TPCN2: variants seen among roughly 807,000 people sequenced by gnomAD.
The protein encoded by TPCN2 is two pore channel protein 2.
TPCN2 carries 92 observed loss-of-function variants against 111.4 expected under a neutral mutation model. The observed-to-expected ratio is 0.83, with a 90% CI of 0.70 to 0.98. The LOEUF is 0.98. Among genes scored for constraint, TPCN2 ranks in the 50% least tolerant of loss-of-function variants. The probability of loss-of-function intolerance (pLI) is 0.00; values close to 1 mark genes in which losing one functional copy is unlikely to be tolerated. For missense variants in TPCN2, 995 were observed against 980.1 expected, an observed-to-expected ratio of 1.02 and a Z score of -0.20; for synonymous variants, 405 against 414.5, an observed-to-expected ratio of 0.98 and a Z score of 0.28.
intron 11 of TPCN2, 69 bp downstream of exon 11, chr11:69,072,092 G>A (rs1794962773): frequency 3.0e-6 from 4 of 1,327,892 alleles, no homozygotes; most frequent in Non-Finnish European, 4.2e-6. Context: ...GGGGCCGGGT[G>A]TTCATTAGGG....
intron 4 of TPCN2, among the ~76,000 whole-genome samples, chr11:69,056,356 A>G (rs546911725): frequency 6.6e-6 from 1 of 151,846 alleles, no homozygotes; most frequent in Non-Finnish European, 1.5e-5. Flanking sequence ...GCAGTTTCTC[A>G]TTTCTTCCTT....
chr11:69,049,789 G>T (rs928025153), intron 1 of TPCN2, among the ~76,000 whole-genome samples: 6 of 152,158 alleles, frequency 3.9e-5, no homozygotes, highest in Non-Finnish European at 8.8e-5. Context: ...GAAGATTGCT[G>T]AATCCGCCCC....
At chr11:69,057,746 G>C in intron 5 of TPCN2, 52 bp downstream of exon 5, 1 of 1,553,384 alleles carries the variant, frequency 6.4e-7, no homozygotes, top group Non-Finnish European at 8.9e-7. Context: ...GGCTGGTGTG[G>C]GTGCAAGGCC....
intron 18 of TPCN2, among the ~76,000 whole-genome samples, chr11:69,083,533 C>T (rs961064610): frequency 6.6e-6 from 1 of 152,202 alleles, no homozygotes; most frequent in South Asian, 2.1e-4. Flanking sequence ...ATTTCTTTGG[C>T]GTCTCCAGGC....
chr11:69,083,422 G>A (rs1309847731), intron 18 of TPCN2, among the ~76,000 whole-genome samples: 2 of 152,236 alleles, frequency 1.3e-5, no homozygotes, highest in Non-Finnish European at 2.9e-5. Context: ...AGGCTGTGAT[G>A]AGGAGGAGCG....
At chr11:69,068,281 T>G (rs1221976369) in intron 8 of TPCN2, among the ~76,000 whole-genome samples, 1 of 151,184 alleles carries the variant, frequency 6.6e-6, no homozygotes, top group African/African-American at 2.4e-5. Flanking sequence ...CAGGACCGTC[T>G]GAGTCCTAGG....
At chr11:69,085,167 C>T in intron 19 of TPCN2, 43 bp from the exon 20 acceptor site, 1 of 1,583,112 alleles carries the variant, frequency 6.3e-7, no homozygotes, top group Non-Finnish European at 8.7e-7. Context: ...GGTGGGTGCA[C>T]CCATGGGTGG....
At chr11:69,050,792 G>A (rs1348045419) in intron 1 of TPCN2, among the ~76,000 whole-genome samples, 1 of 152,250 alleles carries the variant, frequency 6.6e-6, no homozygotes, top group African/African-American at 2.4e-5. Flanking sequence ...GGCCCGGCGG[G>A]CTGGTGTGGG....
At position 69,089,032 on chromosome 11, in the gene TPCN2, C is replaced by T. The variant is rs1481385933; in HGVS notation, c.*1079C>T. ...CAGCGGGACCAGGAAGGGATGGGCC[C>T]TGCCAGGGTTGCCCCTGCACTGTGC... On this transcript the variant is annotated 3_prime_UTR_variant, in exon 25 of 25. Coordinates refer to ENST00000294309, the MANE Select transcript of TPCN2 (RefSeq NM_139075.4). 1 of 152,272 alleles carries T rather than the reference C, an allele frequency of 6.6e-6. No homozygotes were observed. The highest frequency in any genetic ancestry group is 1.5e-5 in the Non-Finnish European group (1 of 68,074). The allele number at this position is 152,272 out of a possible 1,614,324, so 9.4% of individuals were successfully genotyped here.
chr11:69,061,722 G>A (rs1855029580), intron 5 of TPCN2, among the ~76,000 whole-genome samples: 3 of 152,130 alleles, frequency 2.0e-5, no homozygotes, highest in South Asian at 4.1e-4. Context: ...TAGGAGCAGG[G>A]GAGTGAATGG....
At position 69,085,192 on chromosome 11, in the gene TPCN2, C is replaced by CTGGCCA; in HGVS notation, c.1762-18_1762-17insTGGCCA. ...CCCATGGGTGGGGCTGATCAGTCCC[C>CTGGCCA]GGCTCCTGGCCCGCCAGGTGGTCTA... On this transcript the variant is annotated splice_polypyrimidine_tract_variant and intron_variant, in intron 19 of 24. Transcript: ENST00000294309. 6.2e-7 allele frequency: 1 copy of CTGGCCA among 1,613,454 alleles called. No homozygotes were observed. The highest frequency in any genetic ancestry group is 1.1e-5 in the South Asian group (1 of 91,064).
chr11:69,087,144 C>A lies in TPCN2; in HGVS notation c.2118C>A (p.His706Gln). The change falls in exon 24 of 25, where the codon CAC (histidine) becomes CAA (glutamine). Residue 706 changes from histidine (H) to glutamine (Q), a missense_variant. By Grantham distance (24) the His-to-Gln change is conservative. Transcript: ENST00000294309. Reference sequence around the variant, plus strand: ...TTCACAAGTGGGACCCCCGCAGCCACCTGCAGCCCCTTGCTGGGACCCCAG... The same window carrying A: ...TTCACAAGTGGGACCCCCGCAGCCAACTGCAGCCCCTTGCTGGGACCCCAG... ...NFLHKWDPRSHLQPLAGTPEA... is the reference protein window; with the variant it reads ...NFLHKWDPRSQLQPLAGTPEA... 1.2e-6 allele frequency: 2 copies of A among 1,613,934 alleles called. No homozygotes were observed. The highest frequency in any genetic ancestry group is 1.7e-6 in the Non-Finnish European group (2 of 1,179,888).
chr11:69,081,329 G>T (rs575770996), intron 17 of TPCN2, 71 bp from the exon 18 acceptor site: 8 of 1,046,760 alleles, frequency 7.6e-6, no homozygotes, highest in African/African-American at 4.7e-5. Flanking sequence ...CCAGGAACCC[G>T]CGCGTTTCCT....
At position 69,085,945 on chromosome 11, in the gene TPCN2, C is replaced by T. The variant is rs1565096627; in HGVS notation, c.2003+15C>T. ...TACTCAGGCCCGTGAGTCCTCGTCTCCCTGACGGCAGTGATTCTCCGTGCA... is the reference window on the plus strand; with the variant it reads ...TACTCAGGCCCGTGAGTCCTCGTCTTCCTGACGGCAGTGATTCTCCGTGCA... On this transcript the variant is annotated intron_variant, in intron 22 of 24. Coordinates refer to ENST00000294309, the MANE Select transcript of TPCN2 (RefSeq NM_139075.4). The T allele has an allele frequency of 3.1e-6, 5 of 1,610,954 alleles. No individual in the cohort carries two copies. The Admixed American group carries it at 6.7e-5, about 22-fold the overall frequency.
intron 5 of TPCN2, among the ~76,000 whole-genome samples, chr11:69,060,293 G>A (rs547877517): frequency 3.3e-5 from 5 of 152,326 alleles, no homozygotes; most frequent in Admixed American, 6.5e-5. Flanking sequence ...TGAAATGTGC[G>A]TGTGTGTGTT....
chr11:69,086,051 T>C lies in TPCN2; in HGVS notation c.2003+121T>C, dbSNP rs1856260287. 5.1e-6 allele frequency: 5 copies of C among 982,008 alleles called. No individual in the cohort carries two copies. The East Asian group carries it at 1.0e-4, about 21-fold the overall frequency. 60.8% of individuals were successfully genotyped at this position (982,008 alleles called of 1,614,324 possible). On this transcript the variant is annotated intron_variant, in intron 22 of 24. Transcript: ENST00000294309. ...GTGGCTGGGACGGGGACTCGGGCCT[T>C]GACAGGGAAGTCGGCCAGCGTGGCA... is the stretch of plus-strand genomic sequence containing the variant.
intron 23 of TPCN2, 147 bp from the exon 24 acceptor site, chr11:69,086,965 C>G (rs1856308243): frequency 1.5e-6 from 1 of 661,660 alleles, no homozygotes; most frequent in African/African-American, 1.8e-5. Context: ...AGCCAGCAGC[C>G]TCGTGGGGCC....
chr11:69,062,827 G>A (rs1855083600), intron 5 of TPCN2, 57 bp from the exon 6 acceptor site: 4 of 1,530,694 alleles, frequency 2.6e-6, no homozygotes, highest in South Asian at 2.2e-5. Flanking sequence ...TGGGATGGTC[G>A]GTGAGGGGTA....
chr11:69,052,336 A>G (rs1040809423), intron 1 of TPCN2, among the ~76,000 whole-genome samples: 1 of 151,966 alleles, frequency 6.6e-6, no homozygotes, highest in East Asian at 1.9e-4. Context: ...AGGGCTGTTC[A>G]TTTATTCATG....
Sources: gnomAD v4.1 joint callset for allele counts (sites outside exome capture counted in the v4.1 genomes callset) on GRCh38, gnomAD v4.1.1 for gene constraint, MANE v1.5 for transcripts, NCBI Gene and HGNC (gene_info 2026-07-23, HGNC 2026-07-21) for gene names.